Variants in CUEDC1 observed in about 807,000 individuals in gnomAD.
CUEDC1 encodes CUE domain containing 1.
A neutral mutation model predicts 43.7 loss-of-function variants in CUEDC1; 30 were observed. That is an observed-to-expected ratio of 0.69 (90% CI 0.51 to 0.93). CUEDC1 has a LOEUF of 0.93. CUEDC1 is among the 40% of genes least tolerant of loss of function. The probability of loss-of-function intolerance (pLI) is 0.00; values close to 1 mark genes in which losing one functional copy is unlikely to be tolerated. For missense variants in CUEDC1, 486 were observed against 549.0 expected, an observed-to-expected ratio of 0.89 and a Z score of 1.15; for synonymous variants, 223 against 223.6, an observed-to-expected ratio of 1.00 and a Z score of 0.02.
At chr17:57,893,728 A>G (rs956030839) in intron 1 of CUEDC1, among the ~76,000 whole-genome samples, 2 of 152,248 alleles carry the variant, frequency 1.3e-5, no homozygotes, top group African/African-American at 4.8e-5. Flanking sequence ...GGGGAGAGAC[A>G]GACAATGCTG....
chr17:57,916,010 TAAGGTA>T (rs1429957079), intron 1 of CUEDC1, among the ~76,000 whole-genome samples: 3 of 152,214 alleles, frequency 2.0e-5, no homozygotes, highest in East Asian at 1.9e-4. Context: ...AGGTTTTCCT[TAAGGTA>T]AAAGAGGAGT....
At chr17:57,911,731 T>C (rs1256480538) in intron 1 of CUEDC1, among the ~76,000 whole-genome samples, 1 of 152,128 alleles carries the variant, frequency 6.6e-6, no homozygotes, top group East Asian at 1.9e-4. Context: ...TCAAGTGATC[T>C]CCTGATCTCA....
chr17:57,908,790 G>A (rs1306927644), intron 1 of CUEDC1, among the ~76,000 whole-genome samples: 1 of 152,170 alleles, frequency 6.6e-6, no homozygotes, highest in East Asian at 1.9e-4. Flanking sequence ...AAGGTCAGGA[G>A]ATCGAGACCA....
At chr17:57,906,666 A>AT (rs1375429757) in intron 1 of CUEDC1, among the ~76,000 whole-genome samples, 1 of 152,202 alleles carries the variant, frequency 6.6e-6, no homozygotes, top group African/African-American at 2.4e-5. Context: ...AAGGCACCAG[A>AT]TTGTAGAAGA....
At chr17:57,950,477 AT>A (rs71365851) in intron 1 of CUEDC1, among the ~76,000 whole-genome samples, 105 of 127,814 alleles carry the variant, frequency 8.2e-4, no homozygotes, top group Middle Eastern at 5.5e-3. Context: ...TTATTTATTT[AT>A]TTTTTTTTTT....
rs181079903 is a variant in CUEDC1, at chr17:57,866,647, C to T, written c.1094-103G>A. On this transcript the variant is annotated intron_variant, in intron 9 of 10. Coordinates refer to ENST00000577830, the MANE Select transcript of CUEDC1 (RefSeq NM_001271875.2). ...GAGCTGACCCGACTCTCTCTGCCCC[C>T]TTCATTTGGGACCCATGCAGATCCC... 1.5e-3 allele frequency: 1,754 copies of T among 1,149,030 alleles called. 2 individuals carry two copies. The highest frequency in any genetic ancestry group is 1.9e-3 in the Non-Finnish European group (1,493 of 778,258). The allele number at this position is 1,149,030 out of a possible 1,614,324, so 71.2% of individuals were successfully genotyped here. A position where few individuals can be genotyped will look rare whatever the true frequency, so the allele number is the denominator to read the frequency against.
At chr17:57,881,000 C>A (rs1317145200) in intron 2 of CUEDC1, among the ~76,000 whole-genome samples, 1 of 152,320 alleles carries the variant, frequency 6.6e-6, no homozygotes, top group East Asian at 1.9e-4. Context: ...TGCCCCAGAG[C>A]CCCCAGACCT....
chr17:57,950,159 T>C (rs974806621), intron 1 of CUEDC1, among the ~76,000 whole-genome samples: 8 of 152,056 alleles, frequency 5.3e-5, no homozygotes, highest in Non-Finnish European at 8.8e-5. Flanking sequence ...CTTCCACTCT[T>C]TTCGTTTTTG....
chr17:57,897,369 C>T (rs2074422286), intron 1 of CUEDC1, among the ~76,000 whole-genome samples: 1 of 152,150 alleles, frequency 6.6e-6, no homozygotes, highest in Non-Finnish European at 1.5e-5. Flanking sequence ...CCTATAGTGT[C>T]TCTAATTAAA....
chr17:57,863,416 G>A (rs2144899434), intron 10 of CUEDC1, 131 bp from the exon 11 acceptor site: 1 of 152,276 alleles, frequency 6.6e-6, no homozygotes, highest in African/African-American at 2.4e-5. Context: ...TTTTTCCAGG[G>A]ACTCGAGGTC....
intron 7 of CUEDC1, chr17:57,868,568 C>T (rs1384850421): frequency 7.8e-6 from 3 of 386,102 alleles, no homozygotes; most frequent in Admixed American, 4.1e-5. Flanking sequence ...GGCTCGCTTT[C>T]CCGCCGCCAC....
At chr17:57,952,689 A>G (rs2075018904) in intron 1 of CUEDC1, among the ~76,000 whole-genome samples, 1 of 152,136 alleles carries the variant, frequency 6.6e-6, no homozygotes, top group African/African-American at 2.4e-5. Context: ...GCTGCTTATT[A>G]CCAGAGCAAA....
At chr17:57,870,891 C>A (rs1391120094) in intron 6 of CUEDC1, among the ~76,000 whole-genome samples, 1 of 152,148 alleles carries the variant, frequency 6.6e-6, no homozygotes, top group Non-Finnish European at 1.5e-5. Flanking sequence ...TTTTGTTGCC[C>A]AGGCTGGTCT....
In CUEDC1 at chr17:57,861,403, G is replaced by C. The variant is rs778033760; in HGVS notation, c.*1886C>G. 1 of 152,336 alleles carries C rather than the reference G, an allele frequency of 6.6e-6. No individual in the cohort carries two copies. The highest frequency in any genetic ancestry group is 2.4e-5 in the African/African-American group (1 of 41,460). 9.4% of individuals were successfully genotyped at this position (152,336 alleles called of 1,614,324 possible). A position where few individuals can be genotyped will look rare whatever the true frequency, so the allele number is the denominator to read the frequency against. ...AGCGCTAGACGCAGCCGGCAGGTCC[G>C]CAAGGTTGAGGTGCAGCGGTGCCGC... On this transcript the variant is annotated 3_prime_UTR_variant, in exon 11 of 11. Coordinates refer to ENST00000577830, the MANE Select transcript of CUEDC1 (RefSeq NM_001271875.2).
rs369548166 is a variant in CUEDC1, at chr17:57,869,207, C to A, written c.869-14G>T. ...CGTCGCCAGTTCCTGGAAGGAGACACCTGCTGAAGGCCGGCCACCGTGGCC... is the reference window on the plus strand; with the variant it reads ...CGTCGCCAGTTCCTGGAAGGAGACAACTGCTGAAGGCCGGCCACCGTGGCC... On this transcript the variant is annotated splice_polypyrimidine_tract_variant and intron_variant, in intron 6 of 10. Transcript: ENST00000577830. 2 of 1,612,632 alleles carry A rather than the reference C, an allele frequency of 1.2e-6. No homozygotes were observed. Among genetic ancestry groups the A allele is most frequent in the African/African-American group, 2.7e-5 (2 of 74,930 alleles).
rs758523924 is a variant in CUEDC1, at chr17:57,900,524, C to T, written c.-315-14645G>A. On this transcript the variant is annotated intron_variant, in intron 1 of 10. Coordinates refer to ENST00000577830, the MANE Select transcript of CUEDC1 (RefSeq NM_001271875.2). ...GAAACCTGCCCTCATCCACCCCCAG[C>T]AATTATGCATCATCAGAGAAGCTGC... 2.0e-5 allele frequency among the ~76,000 whole-genome samples: 3 copies of T among 152,226 alleles called. No homozygotes were observed. The South Asian group carries it at 6.2e-4, about 31-fold the overall frequency.
intron 6 of CUEDC1, among the ~76,000 whole-genome samples, chr17:57,870,741 A>T (rs941810639): frequency 6.6e-6 from 1 of 151,746 alleles, no homozygotes; most frequent in Non-Finnish European, 1.5e-5. Flanking sequence ...CAGTGGCATA[A>T]TCACAGCTCA....
intron 1 of CUEDC1, among the ~76,000 whole-genome samples, chr17:57,952,362 G>C (rs2075015226): frequency 2.6e-5 from 4 of 151,844 alleles, no homozygotes; most frequent in African/African-American, 9.7e-5. Context: ...GAGTAGCTGG[G>C]ATTACAGGCA....
At chr17:57,914,154 C>G (rs2143074603) in intron 1 of CUEDC1, among the ~76,000 whole-genome samples, 1 of 152,184 alleles carries the variant, frequency 6.6e-6, no homozygotes, top group East Asian at 1.9e-4. Context: ...ATAGAGCAGG[C>G]AAGGAATATG....
Sources: allele counts gnomAD v4.1 joint callset (sites outside exome capture counted in the v4.1 genomes callset), GRCh38; gene constraint gnomAD v4.1.1; transcripts MANE v1.5; gene names NCBI Gene and HGNC (gene_info 2026-07-23, HGNC 2026-07-21).